The following SV2C variants were observed in gnomAD, a reference collection of about 807,000 sequenced individuals.
SV2C encodes solute carrier family 22 member B3.
Under a neutral mutation model 79.7 loss-of-function variants are expected in SV2C, and 49 were observed. The observed-to-expected ratio is 0.61, with a 90% CI of 0.49 to 0.78. The LOEUF (loss-of-function observed/expected upper bound fraction) is 0.78. Among genes scored for constraint, SV2C ranks in the 30% least tolerant of loss-of-function variants. The probability of loss-of-function intolerance (pLI) is 0.00; values close to 1 mark genes in which losing one functional copy is unlikely to be tolerated. For missense variants in SV2C, 833 were observed against 912.9 expected (o/e 0.91, Z 1.13); for synonymous variants, 334 against 333.2 (o/e 1.00, Z -0.03).
chr5:76,249,020 T>C (rs1408448869), intron 4 of SV2C, among the ~76,000 whole-genome samples: 1 of 152,172 alleles, frequency 6.6e-6, no homozygotes, highest in Non-Finnish European at 1.5e-5. Context: ...GGTGATGCTG[T>C]GGTTGCAACT....
the SV2C span, among the ~76,000 whole-genome samples, chr5:76,024,064 A>G: frequency 1.3e-5 from 2 of 151,940 alleles, no homozygotes; most frequent in Non-Finnish European, 2.9e-5. Context: ...TTATTCAACC[A>G]TTTCTTTAGT....
At chr5:75,968,293 C>A in the SV2C span, among the ~76,000 whole-genome samples, 1 of 152,194 alleles carries the variant, frequency 6.6e-6, no homozygotes, top group Non-Finnish European at 1.5e-5. Context: ...AGGAATGCAG[C>A]TCCTCACCAG....
exon 13 of SV2C, chr5:76,353,463 G>A (rs1380648606): frequency 6.4e-6 from 1 of 157,144 alleles, no homozygotes. Context: ...AACGGAGCCA[G>A]TTTATAGCAG....
the SV2C span, among the ~76,000 whole-genome samples, chr5:76,058,249 C>G: frequency 6.6e-6 from 1 of 152,226 alleles, no homozygotes; most frequent in Admixed American, 6.5e-5. Flanking sequence ...CCATGAATAA[C>G]TCAGGCAGAG....
chr5:76,085,520 A>G (rs918971081), intron 1 of SV2C, among the ~76,000 whole-genome samples: 1 of 152,236 alleles, frequency 6.6e-6, no homozygotes. Flanking sequence ...GGCAAAATGA[A>G]TGAAAGGGGA....
chr5:76,113,921 TAC>T (rs144138185), intron 1 of SV2C, among the ~76,000 whole-genome samples: 5,817 of 150,330 alleles, frequency 0.039, 360 homozygotes, highest in African/African-American at 0.13. Context: ...CCCACAATCA[TAC>T]ACACACACAC....
At chr5:75,956,501 C>G in the SV2C span, among the ~76,000 whole-genome samples, 1 of 151,738 alleles carries the variant, frequency 6.6e-6, no homozygotes, top group Non-Finnish European at 1.5e-5. Context: ...ACATATGTAA[C>G]TAACCTGCAC....
At chr5:76,101,149 C>T (rs115994182) in intron 1 of SV2C, among the ~76,000 whole-genome samples, 2 of 151,744 alleles carry the variant, frequency 1.3e-5, no homozygotes, top group Non-Finnish European at 2.9e-5. Context: ...TGGGGAGTGG[C>T]GAGTGATCCT....
intron 2 of SV2C, chr5:76,173,694 GC>G: frequency 6.2e-7 from 1 of 1,613,714 alleles, no homozygotes; most frequent in Non-Finnish European, 8.5e-7. Flanking sequence ...CTGTTAATTT[GC>G]CGCACTAGGT....
the SV2C span, chr5:75,910,780 T>C: frequency 7.4e-7 from 1 of 1,346,282 alleles, no homozygotes; most frequent in Non-Finnish European, 1.1e-6. Context: ...ATAACAGTCA[T>C]GTTGGCTGCT....
intron 1 of SV2C, among the ~76,000 whole-genome samples, chr5:76,123,343 T>C (rs952535675): frequency 1.3e-5 from 2 of 152,048 alleles, no homozygotes; most frequent in African/African-American, 2.4e-5. Flanking sequence ...TTCCAATCAA[T>C]AGAAAAAGAG....
the SV2C span, among the ~76,000 whole-genome samples, chr5:76,042,903 G>A: frequency 6.6e-6 from 1 of 152,166 alleles, no homozygotes; most frequent in African/African-American, 2.4e-5. Context: ...CTATAGCAAT[G>A]TGACCTTGCC....
At chr5:76,206,067 T>C (rs1365058010) in intron 3 of SV2C, among the ~76,000 whole-genome samples, 1 of 150,572 alleles carries the variant, frequency 6.6e-6, no homozygotes. Flanking sequence ...CTTAGTGTAA[T>C]AAACAAACAA....
At chr5:76,106,605 T>C in intron 1 of SV2C, among the ~76,000 whole-genome samples, 1 of 152,202 alleles carries the variant, frequency 6.6e-6, no homozygotes, top group Non-Finnish European at 1.5e-5. Context: ...TCCTTCCTGT[T>C]TCTTTAATAC....
At chr5:76,089,156 T>C (rs1747291725) in intron 1 of SV2C, among the ~76,000 whole-genome samples, 1 of 152,176 alleles carries the variant, frequency 6.6e-6, no homozygotes, top group African/African-American at 2.4e-5. Flanking sequence ...GCATTAGCTA[T>C]TTTTCCTAAT....
At chr5:75,958,831 C>T in the SV2C span, among the ~76,000 whole-genome samples, 1 of 151,930 alleles carries the variant, frequency 6.6e-6, no homozygotes, top group Non-Finnish European at 1.5e-5. Flanking sequence ...CAGCATTTAT[C>T]TCCAAGGAAA....
intron 4 of SV2C, among the ~76,000 whole-genome samples, chr5:76,271,831 T>C (rs1410633610): frequency 6.6e-6 from 1 of 152,074 alleles, no homozygotes; most frequent in East Asian, 1.9e-4. Context: ...GGAAACATAA[T>C]AAATATGTTT....
chr5:75,868,684 G>T, the SV2C span, among the ~76,000 whole-genome samples: 2 of 152,168 alleles, frequency 1.3e-5, no homozygotes, highest in African/African-American at 4.8e-5. Flanking sequence ...GACATATAAT[G>T]CTGAGGATTG....
the SV2C span, among the ~76,000 whole-genome samples, chr5:75,990,769 C>T: frequency 1.3e-5 from 2 of 151,824 alleles, no homozygotes; most frequent in African/African-American, 2.4e-5. Flanking sequence ...CAAACCAGCA[C>T]ATTGTGCACA....
Sources: gnomAD v4.1 joint callset for allele counts (sites outside exome capture counted in the v4.1 genomes callset) on GRCh38, gnomAD v4.1.1 for gene constraint, MANE v1.5 for transcripts, NCBI Gene and HGNC (gene_info 2026-07-23, HGNC 2026-07-21) for gene names.